TASOR: variants seen among roughly 807,000 people sequenced by gnomAD.
TASOR encodes transcription activation suppressor, also known as protein TASOR.
Under a neutral mutation model 178.6 loss-of-function variants are expected in TASOR, and 53 were observed. The observed-to-expected ratio is 0.30, with a 90% CI of 0.24 to 0.37. The LOEUF is 0.37. Among genes scored for constraint, TASOR ranks in the 10% least tolerant of loss-of-function variants. TASOR has a pLI of 1.00. For synonymous variants in TASOR, 713 were observed against 696.2 expected, an observed-to-expected ratio of 1.02 and a Z score of -0.38; for missense variants, 1,815 against 1,971.4, an observed-to-expected ratio of 0.92 and a Z score of 1.50.
intron 18 of TASOR, 102 bp from the exon 19 acceptor site, chr3:56,628,716 T>C: frequency 1.3e-6 from 1 of 753,174 alleles, no homozygotes; most frequent in Non-Finnish European, 2.1e-6. Flanking sequence ...ACTACTACCA[T>C]GACATTATTA....
At position 56,633,789 on chromosome 3, in the gene TASOR, T is replaced by C. The variant is rs1219596848; in HGVS notation, c.3002A>G (p.Gln1001Arg). Residue 1001 changes from glutamine (Q) to arginine (R), a missense_variant, in exon 18 of 24, where the codon CAG becomes CGG. By Grantham distance (43) the Gln-to-Arg change is conservative. This residue lies in a region of TASOR where 655 missense variants were observed against 671.1 expected (regional missense o/e 0.98). Coordinates refer to ENST00000683822, the MANE Select transcript of TASOR (RefSeq NM_001365635.2). Reference sequence around the variant, plus strand: ...CTCTGCCTCTGCTGCTGGCACACACTGCTCCTCCACCTGACCTGTCAACAC... The same window carrying C: ...CTCTGCCTCTGCTGCTGGCACACACCGCTCCTCCACCTGACCTGTCAACAC... ...DDVLTGQVEE[Q>R]CVPAAEAEPP... 5 of 1,614,116 alleles carry C rather than the reference T, an allele frequency of 3.1e-6. No homozygotes were observed. The highest frequency in any genetic ancestry group is 4.2e-6 in the Non-Finnish European group (5 of 1,180,048).
intron 14 of TASOR, among the ~76,000 whole-genome samples, chr3:56,644,304 A>T (rs2077189909): frequency 6.6e-6 from 1 of 151,494 alleles, no homozygotes; most frequent in East Asian, 1.9e-4. Context: ...CATAGTAAAC[A>T]GAGCTCTCAA....
rs745984342 is a variant in TASOR at position 56,622,692 on chromosome 3, A to G, written c.*345T>C. ...TAATTCACTTCAACAAAAGTACTTTATATCAGGTGACATTAGAGAAAAAGA... is the reference window on the plus strand; with the variant it reads ...TAATTCACTTCAACAAAAGTACTTTGTATCAGGTGACATTAGAGAAAAAGA... On this transcript the variant is annotated 3_prime_UTR_variant, in exon 24 of 24. Coordinates refer to ENST00000683822, the MANE Select transcript of TASOR (RefSeq NM_001365635.2). The G allele has an allele frequency of 1.1e-4, 18 of 162,342 alleles. No homozygotes were observed. The highest frequency in any genetic ancestry group is 1.5e-4 in the Non-Finnish European group (11 of 74,980). 10.1% of individuals were successfully genotyped at this position (162,342 alleles called of 1,614,324 possible). A position where few individuals can be genotyped will look rare whatever the true frequency, so the allele number is the denominator to read the frequency against.
At chr3:56,625,537 C>T (rs990866766) in intron 21 of TASOR, among the ~76,000 whole-genome samples, 1 of 152,158 alleles carries the variant, frequency 6.6e-6, no homozygotes, top group African/African-American at 2.4e-5. Flanking sequence ...ATCCGAACTA[C>T]TTGGGAGGCT....
intron 18 of TASOR, 171 bp from the exon 19 acceptor site, chr3:56,628,785 C>CCCTGTCTCAA: frequency 2.1e-6 from 1 of 473,410 alleles, no homozygotes; most frequent in Non-Finnish European, 3.7e-6. Context: ...TTCTTTGAGA[C>CCCTGTCTCAA]AGGGTCTCAC....
At chr3:56,624,106 A>G (rs2076746820) in intron 23 of TASOR, among the ~76,000 whole-genome samples, 1 of 152,228 alleles carries the variant, frequency 6.6e-6, no homozygotes, top group African/African-American at 2.4e-5. Flanking sequence ...GAAATCTAGT[A>G]GCTCAATGCT....
chr3:56,668,700 G>A (rs59835031), intron 5 of TASOR, 142 bp from the exon 6 acceptor site: 32,232 of 672,024 alleles, frequency 0.048, 926 homozygotes, highest in East Asian at 0.091. Flanking sequence ...ACAGCTGGGC[G>A]CGGTGACTCA....
chr3:56,682,806 C>G lies in TASOR; in HGVS notation c.201G>C (p.Gln67His). 1 of 1,550,460 alleles carries G rather than the reference C, an allele frequency of 6.4e-7. No homozygotes were observed. The highest frequency in any genetic ancestry group is 8.7e-7 in the Non-Finnish European group (1 of 1,146,364). ...CCTGAGGCTGCTCGTGGCTGAGGCT[C>G]TGGGCGGCCTCGGCCCCCGCGTTCT... is the stretch of plus-strand genomic sequence containing the variant. ...REENAGAEAA[Q>H]SLSHEQPQDS... Residue 67 changes from glutamine to histidine, a missense_variant, in exon 1 of 24, where the codon CAG becomes CAC. Gln to His is a conservative substitution (Grantham distance 24, BLOSUM62 0). Transcript: ENST00000683822.
At position 56,669,746 on chromosome 3, in the gene TASOR, A is replaced by G. The variant is rs2030476633; in HGVS notation, c.689T>C (p.Leu230Ser). The G allele has an allele frequency of 6.5e-7, 1 of 1,550,028 alleles. No homozygotes were observed. The highest frequency in any genetic ancestry group is 1.4e-5 in the African/African-American group (1 of 73,122). Reference sequence around the variant, plus strand: ...AACATCACCCATTGCCCCCGTGTCCAAAGGATTCGCTTGTAATAAATCAGC... The same window carrying G: ...AACATCACCCATTGCCCCCGTGTCCGAAGGATTCGCTTGTAATAAATCAGC... ...RYADLLQANP[L>S]DTGAMGDVVI... Residue 230 changes from leucine to serine, a missense_variant, in exon 5 of 24, where the codon TTG becomes TCG. Physicochemically the swap from Leu to Ser is moderately radical, Grantham distance 145. Transcript: ENST00000683822.
At position 56,633,059 on chromosome 3, in the gene TASOR, G is replaced by T. The variant is rs781450156; in HGVS notation, c.3732C>A (p.Leu1244=). ...FYIHEEEESV[L]CKEIKEYLIK... is the part of the protein sequence containing the mutation. The stretch of plus-strand genomic sequence containing the variant: ...GTTTAGTTACCTTTATTTCTTTACA[G>T]AGCACACTCTCTTCTTCTTCATGAA... Residue 1244 remains leucine (L), a synonymous_variant, in exon 18 of 24, where the codon CTC becomes CTA. Coordinates refer to ENST00000683822, the MANE Select transcript of TASOR (RefSeq NM_001365635.2). 7.5e-6 allele frequency: 12 copies of T among 1,591,118 alleles called. No homozygotes were observed. The East Asian group carries it at 2.7e-4, about 36-fold the overall frequency.
At chr3:56,653,007 G>T (rs1218419873) in intron 11 of TASOR, among the ~76,000 whole-genome samples, 3 of 152,134 alleles carry the variant, frequency 2.0e-5, no homozygotes, top group African/African-American at 7.2e-5. Flanking sequence ...GCTCACGCCT[G>T]TAATCCCAGC....
chr3:56,649,161 A>G, intron 11 of TASOR, 104 bp from the exon 12 acceptor site: 2 of 744,208 alleles, frequency 2.7e-6, no homozygotes, highest in Non-Finnish European at 4.1e-6. Flanking sequence ...AAAGTTCTTA[A>G]TCATCTTTTA....
chr3:56,670,673 C>T (rs900867017), intron 3 of TASOR, among the ~76,000 whole-genome samples: 1 of 152,126 alleles, frequency 6.6e-6, no homozygotes, highest in Non-Finnish European at 1.5e-5. Context: ...TGGTGGCTCA[C>T]GCCTGTAATA....
intron 19 of TASOR, among the ~76,000 whole-genome samples, chr3:56,628,042 G>A (rs77684575): frequency 0.027 from 4,072 of 152,228 alleles, 98 homozygotes; most frequent in African/African-American, 0.062. Flanking sequence ...GAATTCAGAC[G>A]AAGGCAAAAG....
At chr3:56,682,572 G>T in intron 1 of TASOR, 104 bp downstream of exon 1, 1 of 1,074,026 alleles carries the variant, frequency 9.3e-7, no homozygotes, top group Non-Finnish European at 1.3e-6. Context: ...CGCTGCATGC[G>T]TGTTTACGTA....
intron 23 of TASOR, 128 bp downstream of exon 23, chr3:56,624,351 C>T: frequency 1.2e-6 from 1 of 858,998 alleles, no homozygotes; most frequent in Non-Finnish European, 1.8e-6. Flanking sequence ...TGTCTTGAAA[C>T]ACTTTCCCTA....
At chr3:56,666,480 T>A (rs2029987239) in intron 6 of TASOR, 96 bp from the exon 7 acceptor site, 2 of 938,322 alleles carry the variant, frequency 2.1e-6, no homozygotes, top group Non-Finnish European at 2.9e-6. Context: ...AAACCATATA[T>A]GCACTTCTGA....
At chr3:56,673,302 CAT>C (rs764366324) in intron 2 of TASOR, among the ~76,000 whole-genome samples, 43 of 151,932 alleles carry the variant, frequency 2.8e-4, no homozygotes, top group Non-Finnish European at 4.3e-4. Context: ...TGCAGTGGCA[CAT>C]GACTGTAATC....
Position 56,669,806 on chromosome 3 carries a change from A to G in TASOR, c.644-15T>C. On this transcript the variant is annotated splice_polypyrimidine_tract_variant and intron_variant, in intron 4 of 23. Transcript: ENST00000683822. ...AAGATAGACACCTAGAAAAGACGGA[A>G]AAATTAAGGAAACTGATTATATTTT... 6.7e-7 allele frequency: 1 copy of G among 1,488,886 alleles called. No homozygotes were observed. Among genetic ancestry groups the G allele is most frequent in the South Asian group, 1.3e-5 (1 of 77,460 alleles). The allele number at this position is 1,488,886 out of a possible 1,614,324, so 92.2% of individuals were successfully genotyped here.
Sources: gnomAD v4.1 joint callset for allele counts (sites outside exome capture counted in the v4.1 genomes callset) on GRCh38, gnomAD v4.1.1 for gene constraint, gnomAD v4.1.1 regional missense constraint, MANE v1.5 for transcripts, NCBI Gene and HGNC (gene_info 2026-07-23, HGNC 2026-07-21) for gene names.